RORA: variants seen among roughly 807,000 people sequenced by gnomAD.
RORA encodes the protein nuclear receptor ROR-alpha.
A neutral mutation model predicts 69.5 loss-of-function variants in RORA; 7 were observed. The ratio of observed to expected loss-of-function variants is 0.10; its 90% CI spans 0.06 to 0.19. The LOEUF is 0.19. RORA is among the 10% of genes least tolerant of loss of function. The probability of loss-of-function intolerance (pLI) is 1.00; values close to 1 mark genes in which losing one functional copy is unlikely to be tolerated. For synonymous variants in RORA, 261 were observed against 240.8 expected, an observed-to-expected ratio of 1.08 and a Z score of -0.78; for missense variants, 457 against 663.0, an observed-to-expected ratio of 0.69 and a Z score of 3.41.
chr15:60,747,425 C>A (rs1361475875), intron 1 of RORA, among the ~76,000 whole-genome samples: 3 of 152,110 alleles, frequency 2.0e-5, no homozygotes, highest in Non-Finnish European at 4.4e-5. Context: ...GGAAGTAGAG[C>A]AAAGATATCG....
chr15:60,564,166 G>C (rs1344918770), intron 2 of RORA, among the ~76,000 whole-genome samples: 1 of 152,140 alleles, frequency 6.6e-6, no homozygotes, highest in Non-Finnish European at 1.5e-5. Flanking sequence ...TCAAATCCCA[G>C]CTCACACTTC....
At chr15:61,060,905 G>T (rs570287438) in intron 1 of RORA, among the ~76,000 whole-genome samples, 2 of 152,172 alleles carry the variant, frequency 1.3e-5, no homozygotes, top group Non-Finnish European at 2.9e-5. Flanking sequence ...ACTGGGCCAC[G>T]TTCAAAGCCA....
At chr15:60,839,072 A>AT (rs1363959209) in intron 1 of RORA, among the ~76,000 whole-genome samples, 2 of 151,396 alleles carry the variant, frequency 1.3e-5, no homozygotes, top group East Asian at 1.9e-4. Flanking sequence ...TTTTTTTTGT[A>AT]TTTTTTTAGT....
intron 2 of RORA, among the ~76,000 whole-genome samples, chr15:60,595,033 T>G (rs1330206870): frequency 2.9e-5 from 1 of 34,570 alleles, no homozygotes; most frequent in Non-Finnish European, 4.9e-5. Flanking sequence ...CTATAGGCTG[T>G]TTTTTTTTTT....
intron 1 of RORA, among the ~76,000 whole-genome samples, chr15:61,175,541 T>TAAATAAATAA (rs61188463): frequency 1.7e-5 from 2 of 120,214 alleles, no homozygotes; most frequent in Non-Finnish European, 3.5e-5. Context: ...ATCCTGTTTC[T>TAAATAAATAA]AAAAAAAAAA....
intron 2 of RORA, among the ~76,000 whole-genome samples, chr15:60,645,512 C>T (rs2070024369): frequency 6.6e-6 from 1 of 151,412 alleles, no homozygotes; most frequent in Non-Finnish European, 1.5e-5. Context: ...CTGCTTCTGC[C>T]TCCTGAATAG....
chr15:60,578,829 T>C (rs893603120), intron 2 of RORA, among the ~76,000 whole-genome samples: 4 of 150,626 alleles, frequency 2.7e-5, no homozygotes, highest in African/African-American at 9.8e-5. Context: ...AGTGGCACAA[T>C]CTCGGCTCAC....
At chr15:60,969,007 G>A (rs959036935) in intron 1 of RORA, among the ~76,000 whole-genome samples, 3 of 152,070 alleles carry the variant, frequency 2.0e-5, no homozygotes, top group African/African-American at 4.8e-5. Context: ...TTTAAAATAC[G>A]TCCCTCAATT....
intron 1 of RORA, among the ~76,000 whole-genome samples, chr15:60,821,731 G>A (rs1290365695): frequency 3.9e-5 from 6 of 152,210 alleles, no homozygotes; most frequent in African/African-American, 4.8e-5. Context: ...GGCAGGCATT[G>A]CACTAGGTGC....
intron 2 of RORA, among the ~76,000 whole-genome samples, chr15:60,660,443 A>T (rs1339055227): frequency 6.6e-6 from 1 of 152,186 alleles, no homozygotes; most frequent in Non-Finnish European, 1.5e-5. Context: ...AGCAGCTTTT[A>T]TTTTGCCCAT....
chr15:60,661,117 A>G (rs537074808), intron 2 of RORA, among the ~76,000 whole-genome samples: 2 of 149,644 alleles, frequency 1.3e-5, no homozygotes, highest in South Asian at 4.2e-4. Context: ...TAAAGAGCAG[A>G]TTCATCCTGT....
intron 1 of RORA, among the ~76,000 whole-genome samples, chr15:61,089,759 T>G (rs776354398): frequency 1.6e-4 from 24 of 152,194 alleles, no homozygotes; most frequent in Non-Finnish European, 3.1e-4. Context: ...CCGTAGGCTC[T>G]GAAGTCCTGG....
intron 1 of RORA, among the ~76,000 whole-genome samples, chr15:60,951,505 G>T (rs1445779450): frequency 6.6e-6 from 1 of 151,160 alleles, no homozygotes; most frequent in Non-Finnish European, 1.5e-5. Context: ...CCAGGAGCTG[G>T]TTTTTTGAAA....
At chr15:60,733,542 G>A (rs1238448910) in intron 1 of RORA, among the ~76,000 whole-genome samples, 1 of 152,068 alleles carries the variant, frequency 6.6e-6, no homozygotes, top group Non-Finnish European at 1.5e-5. Context: ...TGTCAATATT[G>A]GGGGATTAAA....
intron 1 of RORA, among the ~76,000 whole-genome samples, chr15:61,074,611 T>C (rs2078419646): frequency 6.6e-6 from 1 of 152,222 alleles, no homozygotes; most frequent in Admixed American, 6.5e-5. Flanking sequence ...CCTTCCTTCT[T>C]ATAGGAATAA....
intron 1 of RORA, among the ~76,000 whole-genome samples, chr15:61,111,066 G>A (rs560534398): frequency 1.3e-5 from 2 of 152,326 alleles, no homozygotes; most frequent in South Asian, 4.1e-4. Flanking sequence ...AGATTGTTGT[G>A]AGTTTGAAAG....
intron 1 of RORA, among the ~76,000 whole-genome samples, chr15:60,982,259 A>AAGAGACTGGGGCCTG (rs1036288752): frequency 6.6e-6 from 1 of 152,206 alleles, no homozygotes; most frequent in African/African-American, 2.4e-5. Context: ...AGCCAGAGTT[A>AAGAGACTGGGGCCTG]AGAGACTGGG....
At chr15:60,627,088 A>G in intron 2 of RORA, 1 of 706,398 alleles carries the variant, frequency 1.4e-6, no homozygotes, top group Non-Finnish European at 2.3e-6. Flanking sequence ...CTGTGGCTGA[A>G]GGGTAACAGT....
intron 1 of RORA, among the ~76,000 whole-genome samples, chr15:60,711,510 C>A (rs1463604680): frequency 6.6e-6 from 1 of 152,094 alleles, no homozygotes; most frequent in African/African-American, 2.4e-5. Context: ...GCTCTTCTTC[C>A]CCATTTTTGC....
Sources: gnomAD v4.1 joint callset for allele counts (sites outside exome capture counted in the v4.1 genomes callset) on GRCh38, gnomAD v4.1.1 for gene constraint, MANE v1.5 for transcripts, NCBI Gene and HGNC (gene_info 2026-07-23, HGNC 2026-07-21) for gene names.